Variants in ZBTB7C observed in about 807,000 individuals in gnomAD.
The protein encoded by ZBTB7C is zinc finger and BTB domain-containing protein 7C.
Under a neutral mutation model 25.7 loss-of-function variants are expected in ZBTB7C, and 8 were observed. The ratio of observed to expected loss-of-function variants is 0.31; its 90% confidence interval spans 0.18 to 0.56. ZBTB7C has a LOEUF of 0.56. ZBTB7C is among the 20% of genes least tolerant of loss of function. The pLI is 0.91. For missense variants in ZBTB7C, 824 were observed against 855.2 expected (o/e 0.96, Z 0.46); for synonymous variants, 394 against 369.0 (o/e 1.07, Z -0.78).
In ZBTB7C at chr18:48,301,145, G is replaced by T. The variant is rs574784986; in HGVS notation, c.-79+37029C>A. Among the ~76,000 whole-genome samples, 468 of 152,312 alleles carry T rather than the reference G, an allele frequency of 3.1e-3. 3 individuals carry two copies. Among genetic ancestry groups the T allele is most frequent in the African/African-American group, 0.011 (461 of 41,560 alleles). On this transcript the variant is annotated intron_variant, in intron 2 of 4. Transcript: ENST00000590800. ...AGCCAGAAGAGAACTCAAAGGATAA[G>T]AAAGGTGGCCACAGGCACTCCAGAA...
intron 2 of ZBTB7C, among the ~76,000 whole-genome samples, chr18:48,218,726 C>T (rs765866957): frequency 1.3e-5 from 2 of 152,226 alleles, no homozygotes; most frequent in Non-Finnish European, 2.9e-5. Context: ...CACCTCAAGC[C>T]TTCTGCACCA....
chr18:48,040,821 G>A lies in ZBTB7C; in HGVS notation c.287C>T (p.Thr96Met), dbSNP rs1292191449. Reference protein sequence around the residue: ...AAILEFAYTSTLTITAGNVKH... With the variant: ...AAILEFAYTSMLTITAGNVKH... ...GACATTGCCAGCGGTGATGGTGAGC[G>A]TGGAGGTGTAGGCGAACTCCAGGAT... Residue 96 changes from threonine to methionine, a missense_variant, in exon 4 of 5, where the codon ACG becomes ATG. Physicochemically the swap from Thr to Met is moderately conservative, Grantham distance 81 (BLOSUM62 -1). Coordinates refer to ENST00000590800, the MANE Select transcript of ZBTB7C (RefSeq NM_001318841.2). 6.2e-6 allele frequency: 10 copies of A among 1,614,012 alleles called. No individual in the cohort carries two copies. The highest frequency in any genetic ancestry group is 1.1e-5 in the South Asian group (1 of 91,086).
intron 2 of ZBTB7C, among the ~76,000 whole-genome samples, chr18:48,297,665 T>C (rs1382454238): frequency 1.3e-5 from 2 of 152,148 alleles, no homozygotes; most frequent in Non-Finnish European, 2.9e-5. Context: ...GTCTTAAACC[T>C]CACAGACTCC....
intron 3 of ZBTB7C, among the ~76,000 whole-genome samples, chr18:48,112,260 C>CTT (rs1048802422): frequency 3.8e-4 from 46 of 120,018 alleles, no homozygotes; most frequent in South Asian, 5.5e-4. Flanking sequence ...TAATTTTTTT[C>CTT]TTTTTTTTTT....
chr18:48,352,157 A>G (rs2046878577), intron 1 of ZBTB7C, among the ~76,000 whole-genome samples: 2 of 152,182 alleles, frequency 1.3e-5, no homozygotes, highest in Admixed American at 1.3e-4. Context: ...TTGACTCTGA[A>G]GACTTGCCTG....
intron 3 of ZBTB7C, among the ~76,000 whole-genome samples, chr18:48,095,714 A>C (rs2038596324): frequency 8.2e-6 from 1 of 122,680 alleles, no homozygotes; most frequent in Non-Finnish European, 1.6e-5. Flanking sequence ...TCTGTCTCAA[A>C]AAATAAATAA....
chr18:48,197,141 G>T (rs1438724383), intron 2 of ZBTB7C, among the ~76,000 whole-genome samples: 1 of 152,088 alleles, frequency 6.6e-6, no homozygotes, highest in East Asian at 1.9e-4. Context: ...GCAAGGCCTG[G>T]AGCTGCTACA....
intron 1 of ZBTB7C, among the ~76,000 whole-genome samples, chr18:48,385,307 T>C (rs2047723641): frequency 6.6e-6 from 1 of 152,248 alleles, no homozygotes; most frequent in Non-Finnish European, 1.5e-5. Context: ...AAAGTATTTT[T>C]ATAGGCCACA....
At chr18:48,159,891 G>C (rs1017864553) in intron 3 of ZBTB7C, among the ~76,000 whole-genome samples, 13 of 152,200 alleles carry the variant, frequency 8.5e-5, no homozygotes, top group Admixed American at 7.8e-4. Context: ...AGAGATTCTG[G>C]ATCTGTGGGG....
intron 3 of ZBTB7C, among the ~76,000 whole-genome samples, chr18:48,125,137 C>G (rs1025006709): frequency 3.9e-5 from 6 of 152,232 alleles, no homozygotes; most frequent in African/African-American, 1.4e-4. Context: ...TCTTTTTGAT[C>G]TTCTCATCAG....
intron 1 of ZBTB7C, among the ~76,000 whole-genome samples, chr18:48,396,435 G>A (rs777856419): frequency 1.3e-5 from 2 of 152,188 alleles, no homozygotes; most frequent in Non-Finnish European, 2.9e-5. Flanking sequence ...ACCTCATCAG[G>A]TGAGCTCTGA....
chr18:48,236,720 G>T (rs2043389448), intron 2 of ZBTB7C, among the ~76,000 whole-genome samples: 1 of 152,136 alleles, frequency 6.6e-6, no homozygotes, highest in Admixed American at 6.5e-5. Context: ...GAAATTTAAG[G>T]TGAGATCAGA....
chr18:48,032,248 G>A (rs2035784601), intron 4 of ZBTB7C, among the ~76,000 whole-genome samples: 1 of 151,586 alleles, frequency 6.6e-6, no homozygotes, highest in African/African-American at 2.4e-5. Flanking sequence ...CGAGTAGCTG[G>A]GATTACAGGC....
At chr18:48,164,097 C>T (rs1475432282) in intron 3 of ZBTB7C, among the ~76,000 whole-genome samples, 2 of 152,220 alleles carry the variant, frequency 1.3e-5, no homozygotes, top group African/African-American at 4.8e-5. Flanking sequence ...GTACATAAAA[C>T]CAAATCAAAT....
At chr18:48,104,419 G>A (rs538893853) in intron 3 of ZBTB7C, among the ~76,000 whole-genome samples, 10 of 152,272 alleles carry the variant, frequency 6.6e-5, no homozygotes, top group Non-Finnish European at 1.3e-4. Context: ...CATGCTCCTT[G>A]CACAGCTTGT....
At chr18:48,178,483 G>A (rs909258063) in intron 3 of ZBTB7C, among the ~76,000 whole-genome samples, 1 of 152,246 alleles carries the variant, frequency 6.6e-6, no homozygotes, top group Non-Finnish European at 1.5e-5. Context: ...AATTAAAAGA[G>A]AGAAAAGTTG....
chr18:48,184,154 C>T (rs72922180), intron 3 of ZBTB7C, among the ~76,000 whole-genome samples: 7,595 of 152,208 alleles, frequency 0.05, 275 homozygotes, highest in Non-Finnish European at 0.076. Context: ...CCTGCCTTGC[C>T]GAAGACCACC....
At chr18:48,272,224 T>C (rs1384228771) in intron 2 of ZBTB7C, among the ~76,000 whole-genome samples, 1 of 152,208 alleles carries the variant, frequency 6.6e-6, no homozygotes, top group African/African-American at 2.4e-5. Context: ...CTAATGTGGT[T>C]AGGCAGTATC....
chr18:48,331,234 C>T (rs1018167704), intron 2 of ZBTB7C, among the ~76,000 whole-genome samples: 6 of 152,126 alleles, frequency 3.9e-5, no homozygotes. Flanking sequence ...CATGAGCCAC[C>T]AAGAAATGTT....
Sources: gnomAD v4.1 joint callset for allele counts (sites outside exome capture counted in the v4.1 genomes callset) on GRCh38, gnomAD v4.1.1 for gene constraint, MANE v1.5 for transcripts, NCBI Gene and HGNC (gene_info 2026-07-23, HGNC 2026-07-21) for gene names.